The following TTC28 variants were observed in gnomAD, a reference collection of about 807,000 sequenced individuals.
The protein encoded by TTC28 is tetratricopeptide repeat protein 28.
Under a neutral mutation model 198.0 loss-of-function variants are expected in TTC28, and 61 were observed. The ratio of observed to expected loss-of-function variants is 0.31; its 90% CI spans 0.25 to 0.38. The LOEUF is 0.38. TTC28 is among the 10% of genes least tolerant of loss of function. The pLI is 1.00. For synonymous variants in TTC28, 1,171 were observed against 1,297.8 expected (o/e 0.90, Z 2.10); for missense variants, 2,678 against 3,164.0 (o/e 0.85, Z 3.69).
intron 6 of TTC28, among the ~76,000 whole-genome samples, chr22:28,121,927 G>A (rs1010519934): frequency 6.6e-6 from 1 of 152,192 alleles, no homozygotes; most frequent in African/African-American, 2.4e-5. Flanking sequence ...GAATACAGTG[G>A]CACGATCTTG....
At chr22:28,596,507 C>T (rs1181792006) in intron 2 of TTC28, among the ~76,000 whole-genome samples, 8 of 152,138 alleles carry the variant, frequency 5.3e-5, no homozygotes. Flanking sequence ...AAAATTAATA[C>T]TTAGAAATTA....
intron 12 of TTC28, among the ~76,000 whole-genome samples, chr22:28,067,420 C>A (rs1425312203): frequency 1.3e-5 from 2 of 152,136 alleles, no homozygotes; most frequent in Admixed American, 1.3e-4. Flanking sequence ...AGACTGATTG[C>A]AATATCTCTT....
intron 19 of TTC28, among the ~76,000 whole-genome samples, chr22:27,991,076 C>T (rs1292047364): frequency 6.6e-6 from 1 of 152,052 alleles, no homozygotes; most frequent in Non-Finnish European, 1.5e-5. Flanking sequence ...AGTAGAGGCT[C>T]GGGAGGGAAA....
chr22:28,014,271 G>C lies in TTC28; in HGVS notation c.4195C>G (p.Leu1399Val). 1 of 1,551,566 alleles carries C rather than the reference G, an allele frequency of 6.4e-7. No individual in the cohort carries two copies. Among genetic ancestry groups the C allele is most frequent in the Non-Finnish European group, 8.7e-7 (1 of 1,146,922 alleles). ...AKPPLRALYD[L>V]LIAPMEGGLM... ...ACCCCTTCCATGGGCGCGATGAGCA[G>C]GTCATACAGGGCACGGAGCGGGGGC... is the stretch of plus-strand genomic sequence containing the variant. The change falls in exon 14 of 23, where the codon CTG (leucine) becomes GTG (valine). Residue 1399 changes from leucine (L) to valine (V), a missense_variant. By Grantham distance (32) the Leu-to-Val change is conservative. This residue lies in a region of TTC28 where 727 missense variants were observed against 861.9 expected (regional missense o/e 0.84). Coordinates refer to ENST00000397906, the MANE Select transcript of TTC28 (RefSeq NM_001145418.2).
intron 5 of TTC28, among the ~76,000 whole-genome samples, chr22:28,209,257 C>A (rs1374440623): frequency 6.6e-6 from 1 of 152,186 alleles, no homozygotes; most frequent in South Asian, 2.1e-4. Context: ...GTGATTTCCG[C>A]ATTTCCAACT....
chr22:28,042,473 C>G (rs529115245), intron 12 of TTC28, among the ~76,000 whole-genome samples: 1 of 151,960 alleles, frequency 6.6e-6, no homozygotes, highest in Non-Finnish European at 1.5e-5. Context: ...AGCAAACTAT[C>G]GCAAGGACAA....
At chr22:28,317,899 A>C (rs1403545146) in intron 2 of TTC28, among the ~76,000 whole-genome samples, 1 of 151,902 alleles carries the variant, frequency 6.6e-6, no homozygotes, top group Non-Finnish European at 1.5e-5. Context: ...ATGCCTGCCC[A>C]TTATACACTG....
chr22:28,181,403 T>C (rs930411232), intron 5 of TTC28, among the ~76,000 whole-genome samples: 6 of 152,118 alleles, frequency 3.9e-5, no homozygotes, highest in African/African-American at 1.4e-4. Flanking sequence ...TCATAAGATA[T>C]GAAAGTTGGC....
At chr22:28,158,773 A>G (rs1230975510) in intron 6 of TTC28, among the ~76,000 whole-genome samples, 1 of 152,254 alleles carries the variant, frequency 6.6e-6, no homozygotes, top group Non-Finnish European at 1.5e-5. Context: ...AAAATTGATT[A>G]AAGACTTTAA....
chr22:28,295,707 A>T (rs1373726846), intron 5 of TTC28, among the ~76,000 whole-genome samples: 1 of 152,224 alleles, frequency 6.6e-6, no homozygotes, highest in Non-Finnish European at 1.5e-5. Context: ...ATTATAGTTC[A>T]TCTCTTTAAT....
intron 2 of TTC28, among the ~76,000 whole-genome samples, chr22:28,413,327 A>G (rs2047114410): frequency 1.3e-5 from 2 of 151,932 alleles, no homozygotes; most frequent in Admixed American, 6.6e-5. Context: ...AGTCCCAGCT[A>G]CTCGGGAGGC....
At chr22:28,284,191 T>C (rs993144823) in intron 5 of TTC28, among the ~76,000 whole-genome samples, 4 of 152,170 alleles carry the variant, frequency 2.6e-5, no homozygotes, top group East Asian at 1.9e-4. Context: ...ACCTTGTACA[T>C]AGTAAGCACA....
At chr22:28,560,064 A>G (rs2049844783) in intron 2 of TTC28, among the ~76,000 whole-genome samples, 1 of 152,180 alleles carries the variant, frequency 6.6e-6, no homozygotes, top group South Asian at 2.1e-4. Flanking sequence ...TTTCTCCTTC[A>G]TTCCTTCCTG....
chr22:28,438,460 A>G (rs2047558490), intron 2 of TTC28, among the ~76,000 whole-genome samples: 1 of 152,240 alleles, frequency 6.6e-6, no homozygotes, highest in South Asian at 2.1e-4. Flanking sequence ...TATTAATGTG[A>G]CAAGTATAAC....
chr22:28,654,618 A>G (rs1387025507), intron 1 of TTC28, among the ~76,000 whole-genome samples: 1 of 152,190 alleles, frequency 6.6e-6, no homozygotes, highest in Non-Finnish European at 1.5e-5. Flanking sequence ...GTGAGCCACC[A>G]TGCCTGGCCT....
intron 8 of TTC28, among the ~76,000 whole-genome samples, chr22:28,101,526 G>A (rs1942152850): frequency 6.6e-6 from 1 of 151,952 alleles, no homozygotes; most frequent in South Asian, 2.1e-4. Flanking sequence ...AACCCGGCTG[G>A]CTTTTGTATT....
intron 5 of TTC28, among the ~76,000 whole-genome samples, chr22:28,182,142 A>C (rs1923757901): frequency 6.6e-6 from 1 of 152,020 alleles, no homozygotes. Flanking sequence ...CTACATTTTC[A>C]TTTTTACTTG....
chr22:28,425,082 T>C (rs988602778), intron 2 of TTC28, among the ~76,000 whole-genome samples: 24 of 152,228 alleles, frequency 1.6e-4, no homozygotes, highest in Admixed American at 1.5e-3. Context: ...AAATTTACAT[T>C]TCTAAAACAC....
At chr22:28,636,126 G>GTTTT (rs1569075168) in intron 1 of TTC28, among the ~76,000 whole-genome samples, 11 of 47,046 alleles carry the variant, frequency 2.3e-4, no homozygotes, top group Admixed American at 1.4e-3. Flanking sequence ...CAAATGTCAG[G>GTTTT]ATTTTTTTTT....
Sources: allele counts gnomAD v4.1 joint callset (sites outside exome capture counted in the v4.1 genomes callset), GRCh38; gene constraint gnomAD v4.1.1; regional missense constraint gnomAD v4.1.1; transcripts MANE v1.5; gene names NCBI Gene and HGNC (gene_info 2026-07-23, HGNC 2026-07-21).